ACER3: variants seen among roughly 807,000 people sequenced by gnomAD.
ACER3 encodes alkaline ceramidase 3.
In ACER3, 16 loss-of-function variants were observed where a neutral mutation model predicts 48.9. That is an observed-to-expected ratio of 0.33 (90% CI 0.22 to 0.50). The LOEUF (loss-of-function observed/expected upper bound fraction) is 0.50, where lower values mean the gene tolerates loss of function less well. Ranked by LOEUF, ACER3 falls within the 20% of genes least tolerant of loss-of-function variation. The pLI is 0.98. For synonymous variants in ACER3, 109 were observed against 107.8 expected (o/e 1.01, Z -0.07); for missense variants, 227 against 326.0 (o/e 0.70, Z 2.34).
chr11:76,876,614 T>C (rs1945389857), intron 1 of ACER3, among the ~76,000 whole-genome samples: 1 of 152,190 alleles, frequency 6.6e-6, no homozygotes, highest in African/African-American at 2.4e-5. Context: ...TATGTTTAGT[T>C]TTATTAGATA....
At chr11:76,868,979 A>G (rs1945172479) in intron 1 of ACER3, among the ~76,000 whole-genome samples, 1 of 152,198 alleles carries the variant, frequency 6.6e-6, no homozygotes. Context: ...GCCCCTGGGT[A>G]TCTCTTCTTC....
At chr11:76,953,413 C>T (rs1051716204) in intron 2 of ACER3, among the ~76,000 whole-genome samples, 21 of 152,058 alleles carry the variant, frequency 1.4e-4, no homozygotes, top group African/African-American at 3.6e-4. Flanking sequence ...GCCTGGCCAA[C>T]GTGGCAAAAC....
Position 77,010,163 on chromosome 11 carries a change from A to AAATAATAATAATAAT in ACER3, c.498-4832_498-4818dup, listed in dbSNP as rs59504202. Among the ~76,000 whole-genome samples, 852 of 146,466 alleles carry AAATAATAATAATAAT rather than the reference A, an allele frequency of 5.8e-3. 8 individuals carry two copies. Among genetic ancestry groups the AAATAATAATAATAAT allele is most frequent in the African/African-American group, 0.02 (786 of 39,178 alleles). The stretch of plus-strand genomic sequence containing the variant: ...TCTTGTGAGACCCTGTCTCTACCAG[A>AAATAATAATAATAAT]AATAATAATAATAATAATAATAATA... On this transcript the variant is annotated intron_variant, in intron 7 of 10. Coordinates refer to ENST00000532485, the MANE Select transcript of ACER3 (RefSeq NM_018367.7).
At chr11:76,926,716 A>C in intron 2 of ACER3, 49 bp downstream of exon 2, 1 of 1,181,428 alleles carries the variant, frequency 8.5e-7, no homozygotes, top group Non-Finnish European at 1.2e-6. Context: ...CAAATGGGCC[A>C]TTTTTCTCAT....
At chr11:76,956,958 C>T (rs2135022892) in intron 2 of ACER3, among the ~76,000 whole-genome samples, 1 of 152,104 alleles carries the variant, frequency 6.6e-6, no homozygotes, top group South Asian at 2.1e-4. Flanking sequence ...AAATTTTTCT[C>T]AGGTGGCTTC....
At position 76,860,939 on chromosome 11, in the gene ACER3, A is replaced by T. The variant is rs1317796053; in HGVS notation, c.-38A>T. On this transcript the variant is annotated 5_prime_UTR_variant, in exon 1 of 11. Coordinates refer to ENST00000532485, the MANE Select transcript of ACER3 (RefSeq NM_018367.7). ...CCTGGTCGCCAGCCTAACCCGGCAC[A>T]GTGAGCGGAGCGCCTGGGCGGCGGC... 3 of 1,462,182 alleles carry T rather than the reference A, an allele frequency of 2.1e-6. No individual in the cohort carries two copies. Among genetic ancestry groups the T allele is most frequent in the Admixed American group, 2.0e-5 (1 of 48,916 alleles). 90.6% of individuals were successfully genotyped at this position (1,462,182 alleles called of 1,614,324 possible). A position where few individuals can be genotyped will look rare whatever the true frequency, so the allele number is the denominator to read the frequency against.
chr11:76,932,470 G>A (rs1164106226), intron 2 of ACER3, among the ~76,000 whole-genome samples: 2 of 152,150 alleles, frequency 1.3e-5, no homozygotes, highest in Non-Finnish European at 2.9e-5. Context: ...ATCTTCAAAA[G>A]GAAGACTTGT....
intron 4 of ACER3, among the ~76,000 whole-genome samples, chr11:76,976,937 A>C (rs1228028693): frequency 1.3e-5 from 2 of 152,238 alleles, no homozygotes; most frequent in Non-Finnish European, 2.9e-5. Flanking sequence ...TATCAAGTTA[A>C]TTTGCATTTC....
At position 77,026,627 on chromosome 11, in the gene ACER3, C is replaced by CA. The variant is rs1453758750; in HGVS notation, c.*6301dup. The stretch of plus-strand genomic sequence containing the variant: ...GCAACTAACTATTTTCAGGTAATCT[C>CA]AGTCTGCTTATTCACTTTTTCCATT... On this transcript the variant is annotated 3_prime_UTR_variant, in exon 11 of 11. Coordinates refer to ENST00000532485, the MANE Select transcript of ACER3 (RefSeq NM_018367.7). 1 of 152,196 alleles carries CA rather than the reference C, an allele frequency of 6.6e-6. No homozygotes were observed. Among genetic ancestry groups the CA allele is most frequent in the African/African-American group, 2.4e-5 (1 of 41,436 alleles). The allele number at this position is 152,196 out of a possible 1,614,324, so 9.4% of individuals were successfully genotyped here. A position where few individuals can be genotyped will look rare whatever the true frequency, so the allele number is the denominator to read the frequency against.
At chr11:77,007,837 C>T (rs920217696) in intron 7 of ACER3, among the ~76,000 whole-genome samples, 17 of 152,112 alleles carry the variant, frequency 1.1e-4, no homozygotes, top group Non-Finnish European at 2.2e-4. Context: ...TCTAGGCTCC[C>T]CATTCAGCCT....
At chr11:76,940,931 G>A (rs1355491879) in intron 2 of ACER3, among the ~76,000 whole-genome samples, 1 of 151,572 alleles carries the variant, frequency 6.6e-6, no homozygotes, top group African/African-American at 2.4e-5. Context: ...TAAACATTAG[G>A]CAAATTTTGC....
intron 1 of ACER3, among the ~76,000 whole-genome samples, chr11:76,874,651 CA>C (rs1455508452): frequency 6.6e-6 from 1 of 152,138 alleles, no homozygotes; most frequent in African/African-American, 2.4e-5. Flanking sequence ...GCATTAAGTG[CA>C]AAAGCTAAGG....
chr11:76,899,595 T>C (rs2134661056), intron 1 of ACER3, among the ~76,000 whole-genome samples: 1 of 152,346 alleles, frequency 6.6e-6, no homozygotes, highest in East Asian at 1.9e-4. Flanking sequence ...TGCTAACACG[T>C]CCAGACTATT....
At chr11:76,892,630 T>G (rs923179639) in intron 1 of ACER3, among the ~76,000 whole-genome samples, 3 of 152,194 alleles carry the variant, frequency 2.0e-5, no homozygotes, top group Non-Finnish European at 4.4e-5. Context: ...CCAGTAGAAC[T>G]TGGCCCAAAG....
intron 4 of ACER3, among the ~76,000 whole-genome samples, chr11:76,977,662 A>G (rs371105046): frequency 2.0e-5 from 3 of 152,212 alleles, no homozygotes; most frequent in South Asian, 2.1e-4. Flanking sequence ...TAGAGCAGCC[A>G]CTGCAAAGAT....
intron 7 of ACER3, among the ~76,000 whole-genome samples, chr11:77,006,781 A>G (rs1407640463): frequency 6.6e-6 from 1 of 151,928 alleles, no homozygotes; most frequent in African/African-American, 2.4e-5. Context: ...TTTAGTTTTC[A>G]GAAGTTTGGC....
At chr11:76,942,257 G>A (rs1947359142) in intron 2 of ACER3, among the ~76,000 whole-genome samples, 1 of 152,052 alleles carries the variant, frequency 6.6e-6, no homozygotes, top group Admixed American at 6.5e-5. Flanking sequence ...TTCTTAGAGG[G>A]AATGCTTTCA....
At chr11:77,005,723 C>G (rs1000367511) in intron 7 of ACER3, among the ~76,000 whole-genome samples, 9 of 151,816 alleles carry the variant, frequency 5.9e-5, no homozygotes, top group Non-Finnish European at 1.3e-4. Flanking sequence ...CTTCACATAG[C>G]TATCTTCTTA....
intron 3 of ACER3, among the ~76,000 whole-genome samples, chr11:76,965,088 G>A (rs1382796394): frequency 1.3e-5 from 2 of 151,248 alleles, no homozygotes; most frequent in African/African-American, 4.9e-5. Context: ...TGGCTAACTA[G>A]AATAACCAAT....
Sources: allele counts gnomAD v4.1 joint callset (sites outside exome capture counted in the v4.1 genomes callset), GRCh38; gene constraint gnomAD v4.1.1; transcripts MANE v1.5; gene names NCBI Gene and HGNC (gene_info 2026-07-23, HGNC 2026-07-21).